Variants in CHN2 observed in about 807,000 individuals in gnomAD.
CHN2 encodes the protein beta-chimaerin.
Under a neutral mutation model 56.3 loss-of-function variants are expected in CHN2, and 35 were observed. The observed-to-expected ratio is 0.62, with a 90% confidence interval of 0.47 to 0.82. The LOEUF is 0.82. Ranked by LOEUF, CHN2 falls within the 40% of genes least tolerant of loss-of-function variation. The pLI, the probability that CHN2 is intolerant of heterozygous loss-of-function variation, is 0.00. For synonymous variants in CHN2, 210 were observed against 212.8 expected (o/e 0.99, Z 0.12); for missense variants, 491 against 580.5 (o/e 0.85, Z 1.58).
intron 6 of CHN2, among the ~76,000 whole-genome samples, chr7:29,424,216 AAAT>A (rs1804620372): frequency 6.6e-6 from 1 of 151,840 alleles, no homozygotes; most frequent in South Asian, 2.1e-4. Context: ...AATAGTTTTT[AAAT>A]TAGTTCCATG....
chr7:29,487,531 T>C (rs559494452), intron 7 of CHN2, among the ~76,000 whole-genome samples: 28 of 152,254 alleles, frequency 1.8e-4, no homozygotes, highest in Non-Finnish European at 2.2e-4. Flanking sequence ...TTAAGCTAAA[T>C]AGACTATTAT....
intron 2 of CHN2, among the ~76,000 whole-genome samples, chr7:29,149,041 G>T (rs992283837): frequency 6.6e-6 from 1 of 152,172 alleles, no homozygotes; most frequent in Non-Finnish European, 1.5e-5. Flanking sequence ...CAGATGGACT[G>T]TGCGACACCA....
chr7:29,512,549 ATGTT>A lies in CHN2; in HGVS notation c.1236-9_1236-6del. On this transcript the variant is annotated splice_polypyrimidine_tract_variant and intron_variant, in intron 12 of 12. Transcript: ENST00000222792. ...AGTCTCCATAATGTCTCTGTTCTATATGTTTGTTTTGCAGGGTTACTATGAATGA... is the reference window on the plus strand; with the variant it reads ...AGTCTCCATAATGTCTCTGTTCTATATGTTTTGCAGGGTTACTATGAATGA... 1 of 1,606,398 alleles carries A rather than the reference ATGTT, an allele frequency of 6.2e-7. No homozygotes were observed. The highest frequency in any genetic ancestry group is 8.5e-7 in the Non-Finnish European group (1 of 1,175,986).
At chr7:29,404,685 A>G (rs1319740595) in intron 6 of CHN2, among the ~76,000 whole-genome samples, 2 of 152,042 alleles carry the variant, frequency 1.3e-5, no homozygotes, top group African/African-American at 2.4e-5. Context: ...ATTTGAGTAA[A>G]CTAGTAGAAA....
At position 29,202,077 on chromosome 7, in the gene CHN2, C is replaced by A. The variant is rs538079761; in HGVS notation, c.49+7087C>A. ...CAACTCAATTTCTTTTTCAAATAAACCCACAGTGAGTTCTGATTTCACCCT... is the reference window on the plus strand; with the variant it reads ...CAACTCAATTTCTTTTTCAAATAAAACCACAGTGAGTTCTGATTTCACCCT... On this transcript the variant is annotated intron_variant, in intron 1 of 12. Transcript: ENST00000222792. Among the ~76,000 whole-genome samples the A allele has an allele frequency of 2.0e-5, 3 of 152,194 alleles. No individual in the cohort carries two copies. The South Asian group carries it at 6.2e-4, about 32-fold the overall frequency.
chr7:29,395,692 T>C (rs564230027), intron 4 of CHN2, among the ~76,000 whole-genome samples: 49 of 152,316 alleles, frequency 3.2e-4, no homozygotes, highest in Middle Eastern at 3.4e-3. Flanking sequence ...CATACAAATA[T>C]ATTAGATATT....
chr7:29,284,541 C>A (rs1182671770), intron 1 of CHN2, among the ~76,000 whole-genome samples: 1 of 152,236 alleles, frequency 6.6e-6, no homozygotes, highest in Non-Finnish European at 1.5e-5. Context: ...TGAGAATAGG[C>A]TTAAGGTTGC....
chr7:29,504,992 T>C (rs1335485104), intron 10 of CHN2, among the ~76,000 whole-genome samples, 171 bp downstream of exon 10: 2 of 152,104 alleles, frequency 1.3e-5, no homozygotes, highest in Non-Finnish European at 2.9e-5. Flanking sequence ...GGGTGAAGTG[T>C]TACCTTCACA....
intron 1 of CHN2, among the ~76,000 whole-genome samples, chr7:29,218,516 C>T (rs868423207): frequency 4.6e-5 from 7 of 151,890 alleles, no homozygotes; most frequent in East Asian, 1.9e-4. Context: ...ATGTTTATAG[C>T]GGCACTATTC....
At chr7:29,169,692 C>T (rs1028276419) in intron 2 of CHN2, among the ~76,000 whole-genome samples, 9 of 152,064 alleles carry the variant, frequency 5.9e-5, no homozygotes, top group Non-Finnish European at 1.3e-4. Flanking sequence ...CTTTTCTTCT[C>T]AGGGCCTGCT....
intron 6 of CHN2, among the ~76,000 whole-genome samples, chr7:29,467,107 CAT>C (rs1785608051): frequency 6.6e-6 from 1 of 152,144 alleles, no homozygotes; most frequent in Non-Finnish European, 1.5e-5. Flanking sequence ...GCATGAGTGT[CAT>C]ATGTACGTAG....
chr7:29,256,115 G>A (rs1188881987), intron 1 of CHN2, among the ~76,000 whole-genome samples: 1 of 152,180 alleles, frequency 6.6e-6, no homozygotes, highest in African/African-American at 2.4e-5. Flanking sequence ...TAGGTGTGAT[G>A]TTACAGTGAG....
intron 1 of CHN2, among the ~76,000 whole-genome samples, chr7:29,260,959 T>C (rs1254811940): frequency 6.6e-6 from 1 of 152,234 alleles, no homozygotes; most frequent in Admixed American, 6.5e-5. Flanking sequence ...ATTTTCTTTC[T>C]AATATACTTT....
At chr7:29,481,249 A>G (rs1214032497) in intron 7 of CHN2, among the ~76,000 whole-genome samples, 1 of 152,234 alleles carries the variant, frequency 6.6e-6, no homozygotes, top group Non-Finnish European at 1.5e-5. Flanking sequence ...GGAAGAAAAC[A>G]ATAGGCAGGA....
intron 2 of CHN2, among the ~76,000 whole-genome samples, chr7:29,355,044 C>G (rs1179947629): frequency 1.3e-5 from 2 of 151,876 alleles, no homozygotes; most frequent in East Asian, 3.9e-4. Context: ...TCTTGGCTCA[C>G]CGCAACCTCC....
At chr7:29,480,051 A>C in intron 6 of CHN2, 1 of 1,537,734 alleles carries the variant, frequency 6.5e-7, no homozygotes, top group East Asian at 2.5e-5. Flanking sequence ...GAAAATCCTG[A>C]CAGCACAGGG....
intron 1 of CHN2, among the ~76,000 whole-genome samples, chr7:29,263,205 T>A (rs1789717675): frequency 1.3e-5 from 2 of 152,140 alleles, no homozygotes; most frequent in Non-Finnish European, 2.9e-5. Context: ...GTTTTCGTAT[T>A]TTTTGGTGGA....
intron 7 of CHN2, among the ~76,000 whole-genome samples, chr7:29,484,960 T>C (rs964888444): frequency 5.3e-5 from 8 of 152,224 alleles, no homozygotes; most frequent in Admixed American, 3.9e-4. Context: ...CTATTGATTT[T>C]AACATCTGTA....
At chr7:29,506,523 G>C (rs184824759) in intron 10 of CHN2, among the ~76,000 whole-genome samples, 79 of 152,270 alleles carry the variant, frequency 5.2e-4, no homozygotes, top group Non-Finnish European at 1.0e-3. Flanking sequence ...TGGAATCCCA[G>C]CTACTCAGGA....
Sources: gnomAD v4.1 joint callset for allele counts (sites outside exome capture counted in the v4.1 genomes callset) on GRCh38, gnomAD v4.1.1 for gene constraint, MANE v1.5 for transcripts, NCBI Gene and HGNC (gene_info 2026-07-23, HGNC 2026-07-21) for gene names.